The following PARP16 variants were observed in gnomAD, a reference collection of about 807,000 sequenced individuals.
The protein encoded by PARP16 is protein mono-ADP-ribosyltransferase PARP16.
PARP16 carries 31 observed loss-of-function variants against 35.0 expected under a neutral mutation model. The ratio of observed to expected loss-of-function variants is 0.88; its 90% CI spans 0.66 to 1.19. The LOEUF (loss-of-function observed/expected upper bound fraction) is 1.19, where lower values mean the gene tolerates loss of function less well. Among genes scored for constraint, PARP16 ranks in the 50% most tolerant of loss-of-function variants. The pLI is 0.00. For synonymous variants in PARP16, 162 were observed against 169.5 expected, an observed-to-expected ratio of 0.96 and a Z score of 0.34; for missense variants, 424 against 411.2, an observed-to-expected ratio of 1.03 and a Z score of -0.27.
intron 3 of PARP16, among the ~76,000 whole-genome samples, chr15:65,244,739 A>C (rs780485952): frequency 2.8e-4 from 42 of 152,196 alleles, no homozygotes; most frequent in Non-Finnish European, 6.0e-4. Flanking sequence ...GGCACAAACT[A>C]AGTGTTCAAT....
chr15:65,235,813 C>T (rs999765721), intron 3 of PARP16, among the ~76,000 whole-genome samples: 19 of 141,240 alleles, frequency 1.3e-4, no homozygotes, highest in Non-Finnish European at 2.1e-4. Flanking sequence ...CCAGCCTGGG[C>T]GACAGAGTGA....
chr15:65,250,801 G>T lies in PARP16; in HGVS notation c.203-2573C>A, dbSNP rs546024852. ...AGCCAGTCCAAGCTGACCGAAGGAG[G>T]CCCCTTGAGACTGAGGCTGCAGAAG... On this transcript the variant is annotated intron_variant and NMD_transcript_variant, in intron 2 of 3. Coordinates refer to the PARP16 transcript ENST00000559805. Among the ~76,000 whole-genome samples the T allele has an allele frequency of 7.0e-4, 106 of 152,246 alleles. 1 individual carries two copies. The highest frequency in any genetic ancestry group is 2.5e-3 in the African/African-American group (105 of 41,534).
At chr15:65,253,601 A>G (rs891541738), downstream of PARP16, among the ~76,000 whole-genome samples, 2 of 151,986 alleles carry the variant, frequency 1.3e-5, no homozygotes, top group Non-Finnish European at 2.9e-5. Context: ...AAGTGCTGGG[A>G]TTACAGGCGT....
In PARP16 at chr15:65,286,705, C is replaced by G. The variant is rs1595732117; in HGVS notation, c.-279G>C. 1.6e-4 allele frequency: 41 copies of G among 261,368 alleles called. No homozygotes were observed. The highest frequency in any genetic ancestry group is 3.4e-4 in the South Asian group (3 of 8,942). 16.2% of individuals were successfully genotyped at this position (261,368 alleles called of 1,614,324 possible). ...GGGCCCAGGGATAAAGGAACTGGGG[C>G]TGGTGGGGGGGAGGGGTTCCCGGCC... is the stretch of plus-strand genomic sequence containing the variant. On this transcript the variant is annotated 5_prime_UTR_variant, in exon 1 of 6. Coordinates refer to ENST00000649807, the MANE Select transcript of PARP16 (RefSeq NM_001316943.2).
chr15:65,263,875 C>A (rs1469803549), intron 3 of PARP16, among the ~76,000 whole-genome samples: 1 of 152,062 alleles, frequency 6.6e-6, no homozygotes, highest in Non-Finnish European at 1.5e-5. Flanking sequence ...CATGGTTACT[C>A]TGATGGGCTT....
At chr15:65,240,262 C>T (rs1021316645) in intron 3 of PARP16, among the ~76,000 whole-genome samples, 37 of 151,150 alleles carry the variant, frequency 2.4e-4, no homozygotes, top group Non-Finnish European at 5.2e-4. Context: ...CTCAGCCTCT[C>T]AAGTAGCTTG....
At chr15:65,245,814 G>A (rs1485425429) in intron 3 of PARP16, among the ~76,000 whole-genome samples, 2 of 152,114 alleles carry the variant, frequency 1.3e-5, no homozygotes, top group African/African-American at 4.8e-5. Flanking sequence ...TCCCTGTCCT[G>A]GCCAGCATGA....
exon 3 of PARP16, chr15:65,248,195 T>C (rs1317954017): frequency 4.4e-6 from 2 of 456,520 alleles, no homozygotes; most frequent in South Asian, 1.5e-5. Context: ...CTGGCTTTAC[T>C]CTGGCCACAG....
chr15:65,281,854 A>G (rs2090430900), intron 1 of PARP16, among the ~76,000 whole-genome samples: 1 of 152,238 alleles, frequency 6.6e-6, no homozygotes, highest in Non-Finnish European at 1.5e-5. Context: ...GGAAATCACC[A>G]ATCAATAAAG....
chr15:65,264,354 A>G (rs2089827674), intron 3 of PARP16, among the ~76,000 whole-genome samples: 1 of 152,232 alleles, frequency 6.6e-6, no homozygotes, highest in Non-Finnish European at 1.5e-5. Flanking sequence ...CAATGGATGG[A>G]CATTGACGCT....
exon 4 of PARP16, chr15:65,234,805 A>C (rs1818134233): frequency 6.6e-6 from 1 of 152,220 alleles, no homozygotes; most frequent in Non-Finnish European, 1.5e-5. Context: ...GGGTGTCCTC[A>C]CAGCATGGCA....
intron 1 of PARP16, among the ~76,000 whole-genome samples, chr15:65,284,565 A>G (rs1339051983): frequency 6.6e-6 from 1 of 151,544 alleles, no homozygotes; most frequent in Non-Finnish European, 1.5e-5. Flanking sequence ...TGACCTCGTG[A>G]TCCACCCGCC....
chr15:65,266,462 AC>A, intron 3 of PARP16, 99 bp downstream of exon 3: 1 of 966,536 alleles, frequency 1.0e-6, no homozygotes, highest in Non-Finnish European at 1.6e-6. Flanking sequence ...AACCTACCCG[AC>A]CCCACCTGCA....
Position 65,273,672 on chromosome 15 carries a change from A to C in PARP16, c.175-2600T>G, listed in dbSNP as rs540993132. ...GGTGGGCGGATCACCTGAGGTCGGG[A>C]GTTTGAACCAGCCTGACCAGCATGA... On this transcript the variant is annotated intron_variant, in intron 1 of 5. Coordinates refer to ENST00000649807, the MANE Select transcript of PARP16 (RefSeq NM_001316943.2). Among the ~76,000 whole-genome samples the C allele has an allele frequency of 1.5e-3, 235 of 151,964 alleles. 1 individual carries two copies. Among genetic ancestry groups the C allele is most frequent in the Non-Finnish European group, 1.6e-3 (107 of 67,938 alleles).
chr15:65,269,043 G>A (rs1240592792), intron 2 of PARP16, among the ~76,000 whole-genome samples: 2 of 152,008 alleles, frequency 1.3e-5, no homozygotes, highest in South Asian at 2.1e-4. Flanking sequence ...GCGTGAGCTT[G>A]TAGAGTTTAG....
intron 1 of PARP16, among the ~76,000 whole-genome samples, chr15:65,274,136 G>T (rs1384043189): frequency 6.6e-6 from 1 of 151,498 alleles, no homozygotes; most frequent in Non-Finnish European, 1.5e-5. Context: ...TAGAGATGAG[G>T]TCTTGCTATG....
downstream of PARP16, among the ~76,000 whole-genome samples, chr15:65,233,179 C>T (rs982835015): frequency 2.2e-4 from 34 of 152,126 alleles, no homozygotes; most frequent in African/African-American, 7.7e-4. Flanking sequence ...TTTGGGAGGC[C>T]GAGGTGGGCG....
chr15:65,280,755 T>C (rs948820274), intron 1 of PARP16, among the ~76,000 whole-genome samples: 1 of 151,566 alleles, frequency 6.6e-6, no homozygotes, highest in African/African-American at 2.4e-5. Flanking sequence ...ACCCAGACAC[T>C]GGGGAGTCAT....
In PARP16 at chr15:65,286,395, T is replaced by A; in HGVS notation, c.32A>T (p.Glu11Val). The A allele has an allele frequency of 1.3e-6, 2 of 1,552,352 alleles. No individual in the cohort carries two copies. The highest frequency in any genetic ancestry group is 8.7e-7 in the Non-Finnish European group (1 of 1,152,920). Residue 11 changes from glutamate (E) to valine (V), a missense_variant, in exon 1 of 6, where the codon GAG (glutamate) becomes GTG (valine). Glu to Val is a moderately radical substitution (Grantham distance 121). Transcript: ENST00000649807. MQPSGWAAAR[E>V]AAGRDMLAAD... is the part of the protein sequence containing the mutation. ...GGCCAGCATGTCGCGGCCCGCCGCC[T>A]CCCTGGCGGCCGCCCAGCCTGAGGG...
Sources: gnomAD v4.1 joint callset for allele counts (sites outside exome capture counted in the v4.1 genomes callset) on GRCh38, gnomAD v4.1.1 for gene constraint, MANE v1.5 for transcripts, NCBI Gene and HGNC (gene_info 2026-07-23, HGNC 2026-07-21) for gene names.